Variants in LRRC9 observed in about 807,000 individuals in gnomAD.
LRRC9 encodes leucine-rich repeat-containing protein 9.
Under a neutral mutation model 63.2 loss-of-function variants are expected in LRRC9, and 122 were observed. The observed-to-expected ratio is 1.93, with a 90% CI of 1.67 to 2.24. The LOEUF (loss-of-function observed/expected upper bound fraction) is 2.24. LRRC9 is among the 30% of genes most tolerant of loss of function. LRRC9 has a pLI of 0.00. For synonymous variants in LRRC9, 366 were observed against 213.1 expected (o/e 1.72, Z -6.25); for missense variants, 1,071 against 627.7 (o/e 1.71, Z -7.55).
At chr14:59,999,412 T>C (rs2140196026) in intron 19 of LRRC9, among the ~76,000 whole-genome samples, 186 bp downstream of exon 19, 1 of 152,172 alleles carries the variant, frequency 6.6e-6, no homozygotes, top group South Asian at 2.1e-4. Context: ...ACCAAATCGT[T>C]GTATGGATTC....
intron 7 of LRRC9, among the ~76,000 whole-genome samples, chr14:59,941,805 G>A (rs1350977098): frequency 6.6e-6 from 1 of 151,950 alleles, no homozygotes; most frequent in Admixed American, 6.6e-5. Flanking sequence ...TCTTTCTGTC[G>A]TGAACATCCA....
intron 4 of LRRC9, among the ~76,000 whole-genome samples, 196 bp from the exon 5 acceptor site, chr14:59,931,423 C>T (rs927955144): frequency 4.6e-5 from 7 of 152,152 alleles, no homozygotes; most frequent in African/African-American, 1.4e-4. Context: ...CTTCCTGTTC[C>T]CTCCTCCAAT....
At chr14:60,001,121 A>AT (rs1463605143) in intron 19 of LRRC9, among the ~76,000 whole-genome samples, 1 of 152,108 alleles carries the variant, frequency 6.6e-6, no homozygotes, top group Non-Finnish European at 1.5e-5. Context: ...TAAAAGTGTA[A>AT]TTTTTCTGAA....
chr14:59,963,524 AC>A (rs950047320), intron 10 of LRRC9, among the ~76,000 whole-genome samples: 9 of 152,076 alleles, frequency 5.9e-5, no homozygotes, highest in South Asian at 4.1e-4. Context: ...AAAAAAAAAA[AC>A]ACCTTTAAAA....
chr14:60,039,224 T>C (rs1892719811), intron 29 of LRRC9, among the ~76,000 whole-genome samples: 1 of 152,200 alleles, frequency 6.6e-6, no homozygotes, highest in Non-Finnish European at 1.5e-5. Context: ...TCTAAAATTC[T>C]CTTTTTTGTT....
In LRRC9 at chr14:59,930,681, TATAA is replaced by T. The variant is rs1301635813; in HGVS notation, c.268-233_268-230del. Among the ~76,000 whole-genome samples, 1 of 151,722 alleles carries T rather than the reference TATAA, an allele frequency of 6.6e-6. No homozygotes were observed. Among genetic ancestry groups the T allele is most frequent in the Non-Finnish European group, 1.5e-5 (1 of 67,820 alleles). ...ATATATGATTACAATTATAACCATA[TATAA>T]ATAGATATAGGGTTGATCAAAATTT... On this transcript the variant is annotated intron_variant, in intron 3 of 31. Transcript: ENST00000445360. The surrounding 1 kb of genome is among the most constrained non-coding windows in gnomAD (Gnocchi z 4.9).
At chr14:59,924,311 G>C (rs1889024395) in intron 1 of LRRC9, among the ~76,000 whole-genome samples, 1 of 152,168 alleles carries the variant, frequency 6.6e-6, no homozygotes, top group South Asian at 2.1e-4. Context: ...AACCTGGAGA[G>C]GTAAGACTAT....
intron 4 of LRRC9, 135 bp from the exon 5 acceptor site, chr14:59,931,484 T>A: frequency 2.0e-6 from 1 of 497,812 alleles, no homozygotes; most frequent in Non-Finnish European, 3.5e-6. Flanking sequence ...GAGGCACTCA[T>A]TTCCTTCTGT....
At chr14:59,959,775 TG>T in intron 8 of LRRC9, 42 bp from the exon 9 acceptor site, 1 of 536,062 alleles carries the variant, frequency 1.9e-6, no homozygotes, top group East Asian at 3.0e-5. Flanking sequence ...GCCTAGACCA[TG>T]TTTTATTTTT....
rs926276381 is a variant in LRRC9 at position 59,922,665 on chromosome 14, G to A, written c.-34+2782G>A. Among the ~76,000 whole-genome samples the A allele has an allele frequency of 5.3e-5, 8 of 152,168 alleles. No homozygotes were observed. In the South Asian group the frequency reaches 1.7e-3, roughly 32 times the overall value. Reference sequence around the variant, plus strand: ...AAGGGAAAGAAAAATACGTCTTTGAGAGGAGGGAAATAAGAAACATACATT... The same window carrying A: ...AAGGGAAAGAAAAATACGTCTTTGAAAGGAGGGAAATAAGAAACATACATT... On this transcript the variant is annotated intron_variant, in intron 1 of 31. Coordinates refer to ENST00000445360, the Ensembl canonical transcript of LRRC9. This position sits in a 1 kb window ranked among gnomAD's most constrained non-coding sequence, Gnocchi z 5.3.
rs1881297910 is a variant in LRRC9, at chr14:59,938,534, T to C, written c.688T>C (p.Leu230=). ...GCCTTGCCTTCAAAGATTTGACACA[T>C]TGGATGTGTCAGCAAAGCAAATCAA... Residue 230 remains leucine (L), a synonymous_variant, in exon 7 of 32, where the codon TTG becomes CTG. Transcript: ENST00000445360. The surrounding 1 kb of genome is among the most constrained non-coding windows in gnomAD (Gnocchi z 4.2). 2.9e-6 allele frequency: 2 copies of C among 696,090 alleles called. No homozygotes were observed. The allele number at this position is 696,090 out of a possible 1,614,324, so 43.1% of individuals were successfully genotyped here.
intron 19 of LRRC9, among the ~76,000 whole-genome samples, chr14:60,000,735 A>G (rs1889283280): frequency 1.3e-5 from 2 of 152,152 alleles, no homozygotes. Context: ...GGCAAGAAAC[A>G]AAGAGCATAA....
intron 7 of LRRC9, among the ~76,000 whole-genome samples, chr14:59,941,487 A>G (rs1406243497): frequency 6.6e-6 from 1 of 151,722 alleles, no homozygotes; most frequent in Non-Finnish European, 1.5e-5. Flanking sequence ...TATCTATTAA[A>G]TTTTAGATAA....
chr14:60,030,692 T>A (rs1194654154), intron 28 of LRRC9, among the ~76,000 whole-genome samples: 7 of 151,988 alleles, frequency 4.6e-5, no homozygotes, highest in African/African-American at 2.4e-5. Flanking sequence ...AGGAAAAAAA[T>A]CCCTAATTAG....
intron 17 of LRRC9, among the ~76,000 whole-genome samples, chr14:59,993,082 A>C (rs527929343): frequency 1.3e-5 from 2 of 152,248 alleles, no homozygotes; most frequent in Non-Finnish European, 2.9e-5. Flanking sequence ...CCACAAAGGG[A>C]AAGTCCATCA....
chr14:59,942,310 T>C lies in LRRC9; in HGVS notation c.727-2279T>C, dbSNP rs1881863140. On this transcript the variant is annotated intron_variant, in intron 7 of 31. Transcript: ENST00000445360. The surrounding 1 kb of genome is among the most constrained non-coding windows in gnomAD (Gnocchi z 5.3). ...AATAGTGCTGCAGTAAACGTGGGGGTGCAGGTATCCCTTTGATACACTGAT... is the reference window on the plus strand; with the variant it reads ...AATAGTGCTGCAGTAAACGTGGGGGCGCAGGTATCCCTTTGATACACTGAT... Among the ~76,000 whole-genome samples the C allele has an allele frequency of 6.6e-6, 1 of 152,078 alleles. No homozygotes were observed. The highest frequency in any genetic ancestry group is 1.5e-5 in the Non-Finnish European group (1 of 68,010).
intron 12 of LRRC9, among the ~76,000 whole-genome samples, chr14:59,971,711 G>A (rs758698419): frequency 7.9e-5 from 12 of 151,884 alleles, no homozygotes; most frequent in Non-Finnish European, 1.2e-4. Flanking sequence ...CAAAGCCTTG[G>A]AATTATGTTC....
At chr14:59,974,925 T>G (rs1259855475) in intron 13 of LRRC9, among the ~76,000 whole-genome samples, 2 of 150,790 alleles carry the variant, frequency 1.3e-5, no homozygotes, top group Non-Finnish European at 3.0e-5. Context: ...TATGTCAGCA[T>G]TAAGAGGAAC....
intron 8 of LRRC9, 88 bp downstream of exon 8, chr14:59,944,832 T>TATACACACATATATA: frequency 2.1e-6 from 1 of 476,178 alleles, no homozygotes; most frequent in Non-Finnish European, 3.8e-6. Flanking sequence ...AAATTATGTA[T>TATACACACATATATA]ATACACACAT....
Sources: allele counts gnomAD v4.1 joint callset (sites outside exome capture counted in the v4.1 genomes callset), GRCh38; gene constraint gnomAD v4.1.1; non-coding constraint Gnocchi (gnomAD v3.1); transcripts MANE v1.5; gene names NCBI Gene and HGNC (gene_info 2026-07-23, HGNC 2026-07-21).